Variants in ANK1 observed in about 807,000 individuals in gnomAD.
The protein encoded by ANK1 is ankyrin-1.
A neutral mutation model predicts 210.4 loss-of-function variants in ANK1; 51 were observed. The observed-to-expected ratio is 0.24, with a 90% CI of 0.19 to 0.31. The LOEUF is 0.31. ANK1 is among the 10% of genes least tolerant of loss of function. The probability of loss-of-function intolerance (pLI) is 1.00; values close to 1 mark genes in which losing one functional copy is unlikely to be tolerated. For missense variants in ANK1, 2,051 were observed against 2,504.4 expected (o/e 0.82, Z 3.86); for synonymous variants, 967 against 1,025.9 (o/e 0.94, Z 1.10).
Position 41,837,988 on chromosome 8 carries a change from T to G in ANK1, c.126+58367A>C, listed in dbSNP as rs566778365. On this transcript the variant is annotated intron_variant, in intron 1 of 42. Transcript: ENST00000265709. ...ACCTGAGTTTTAGAGGAGGGGTAACTGGACCTCAGACATCACCTCCTCCAC... is the reference window on the plus strand; with the variant it reads ...ACCTGAGTTTTAGAGGAGGGGTAACGGGACCTCAGACATCACCTCCTCCAC... 7.9e-5 allele frequency among the ~76,000 whole-genome samples: 12 copies of G among 152,310 alleles called. No individual in the cohort carries two copies. In the South Asian group the frequency reaches 2.5e-3, roughly 32 times the overall value.
Position 41,734,015 on chromosome 8 carries a change from C to T in ANK1, c.184G>A (p.Val62Ile), listed in dbSNP as rs1221815487. The T allele has an allele frequency of 6.2e-7, 1 of 1,614,234 alleles. No individual in the cohort carries two copies. The highest frequency in any genetic ancestry group is 8.5e-7 in the Non-Finnish European group (1 of 1,180,038). The change falls in exon 3 of 43, where the codon GTT becomes ATT. Residue 62 changes from valine to isoleucine, a missense_variant. Transcript: ENST00000289734. ...ATGATTTCTTTGTGCAGAAGTTCAA[C>T]CACCATTTTCACATGGCCTTCCTTA... ...ASKEGHVKMVVELLHKEIILE... is the reference protein window; with the variant it reads ...ASKEGHVKMVIELLHKEIILE...
intron 1 of ANK1, among the ~76,000 whole-genome samples, chr8:41,865,521 T>C (rs1438166950): frequency 6.6e-6 from 1 of 152,040 alleles, no homozygotes; most frequent in Non-Finnish European, 1.5e-5. Flanking sequence ...CCAGCCCTCC[T>C]CCAAATTCAC....
chr8:41,769,032 C>T (rs144793994), intron 1 of ANK1, among the ~76,000 whole-genome samples: 17 of 151,316 alleles, frequency 1.1e-4, no homozygotes, highest in African/African-American at 1.7e-4. Context: ...AAGCCAGGTA[C>T]GCTTCAAAGC....
intron 1 of ANK1, among the ~76,000 whole-genome samples, chr8:41,784,386 A>G (rs967583862): frequency 1.3e-5 from 2 of 152,260 alleles, no homozygotes; most frequent in Non-Finnish European, 2.9e-5. Context: ...CTTTTGGGAT[A>G]GAATTAATCA....
At chr8:41,874,191 C>T (rs1036709649) in intron 1 of ANK1, among the ~76,000 whole-genome samples, 3 of 152,190 alleles carry the variant, frequency 2.0e-5, no homozygotes, top group African/African-American at 7.2e-5. Context: ...AGGGATGGAC[C>T]AGGTATGGTG....
rs1587234011 is a variant in ANK1 at position 41,824,714 on chromosome 8, C to T, written c.127-66577G>A. Among the ~76,000 whole-genome samples the T allele has an allele frequency of 2.0e-5, 3 of 152,286 alleles. No homozygotes were observed. The South Asian group carries it at 6.2e-4, about 32-fold the overall frequency. ...CTCTGCCCTGACCCCGCCTTCGCCA[C>T]TCTTATTTTCTAGACAGCAGAGTTC... On this transcript the variant is annotated intron_variant, in intron 1 of 42. Coordinates refer to the ANK1 transcript ENST00000265709.
intron 40 of ANK1, among the ~76,000 whole-genome samples, chr8:41,662,183 G>T (rs1165977212): frequency 1.8e-4 from 28 of 152,090 alleles, no homozygotes; most frequent in Admixed American, 1.8e-3. Context: ...CTTGAACCTG[G>T]TGGATGGAGG....
At chr8:41,675,153 C>T (rs1359843884) in intron 37 of ANK1, among the ~76,000 whole-genome samples, 1 of 152,226 alleles carries the variant, frequency 6.6e-6, no homozygotes, top group Non-Finnish European at 1.5e-5. Flanking sequence ...TGCAGTAATG[C>T]AATCTCAGTT....
At chr8:41,823,690 G>C (rs532782698) in intron 1 of ANK1, among the ~76,000 whole-genome samples, 5 of 152,084 alleles carry the variant, frequency 3.3e-5, no homozygotes, top group Admixed American at 6.5e-5. Context: ...CTTGAGTCTG[G>C]GAGTTCAAGG....
chr8:41,725,406 C>T (rs890319382), intron 6 of ANK1, among the ~76,000 whole-genome samples: 12 of 152,238 alleles, frequency 7.9e-5, no homozygotes, highest in African/African-American at 2.7e-4. Flanking sequence ...AGCCCCTGCA[C>T]GCCTCCTCCC....
chr8:41,803,115 AAAGGAAAGG>A (rs1193703474), intron 1 of ANK1, among the ~76,000 whole-genome samples: 2 of 147,708 alleles, frequency 1.4e-5, no homozygotes, highest in Non-Finnish European at 3.0e-5. Flanking sequence ...AAAGGAAAGG[AAAGGAAAGG>A]AAAGGAAAGG....
At chr8:41,675,772 C>A (rs1169654073) in intron 37 of ANK1, among the ~76,000 whole-genome samples, 2 of 152,172 alleles carry the variant, frequency 1.3e-5, no homozygotes, top group Admixed American at 6.5e-5. Context: ...CTCTGCCAAC[C>A]CCAAACCATT....
intron 1 of ANK1, among the ~76,000 whole-genome samples, chr8:41,881,352 C>G (rs1303843782): frequency 6.6e-6 from 1 of 152,230 alleles, no homozygotes; most frequent in African/African-American, 2.4e-5. Context: ...TTCTAAGGCA[C>G]TGCCCATACC....
rs1465012341 is a variant in ANK1 at position 41,749,249 on chromosome 8, A to G, written c.129+8787T>C. Among the ~76,000 whole-genome samples the G allele has an allele frequency of 2.6e-5, 4 of 151,652 alleles. No individual in the cohort carries two copies. The East Asian group carries it at 7.7e-4, about 29-fold the overall frequency. On this transcript the variant is annotated intron_variant, in intron 2 of 42. Transcript: ENST00000289734. ...GCATGGATCATTGTAACTGGTCAAT[A>G]AATGTTTGCAGAATAAATGAATGAG...
chr8:41,707,752 G>A (rs769082525), intron 17 of ANK1, among the ~76,000 whole-genome samples: 39 of 152,304 alleles, frequency 2.6e-4, no homozygotes, highest in Admixed American at 4.6e-4. Context: ...CTACCAGAAT[G>A]GTTCGCTCAT....
In ANK1 at chr8:41,813,673, T is replaced by C. The variant is rs540555578; in HGVS notation, c.127-55536A>G. ...AGAACTTTTAATAGGGAATCTCAGATTGGACTTTTAAAATCCTATTAAGGT... is the reference window on the plus strand; with the variant it reads ...AGAACTTTTAATAGGGAATCTCAGACTGGACTTTTAAAATCCTATTAAGGT... On this transcript the variant is annotated intron_variant, in intron 1 of 42. Transcript: ENST00000265709. Among the ~76,000 whole-genome samples, 4 of 152,326 alleles carry C rather than the reference T, an allele frequency of 2.6e-5. No homozygotes were observed. The South Asian group carries it at 8.3e-4, about 32-fold the overall frequency.
intron 1 of ANK1, among the ~76,000 whole-genome samples, chr8:41,824,887 T>G (rs910346919): frequency 1.3e-5 from 2 of 152,218 alleles, no homozygotes; most frequent in African/African-American, 4.8e-5. Flanking sequence ...TGGGGCTGGC[T>G]GGCTGTAGGG....
chr8:41,779,136 G>A (rs1219011953), intron 1 of ANK1, among the ~76,000 whole-genome samples: 1 of 152,150 alleles, frequency 6.6e-6, no homozygotes, highest in African/African-American at 2.4e-5. Flanking sequence ...CCCAGGCTGT[G>A]ACAGGTAAGC....
intron 1 of ANK1, among the ~76,000 whole-genome samples, chr8:41,773,191 G>A (rs1279710080): frequency 6.6e-6 from 1 of 151,940 alleles, no homozygotes; most frequent in African/African-American, 2.4e-5. Flanking sequence ...GGTGTCCTGG[G>A]CACCCGGCCT....
Sources: gnomAD v4.1 joint callset for allele counts (sites outside exome capture counted in the v4.1 genomes callset) on GRCh38, gnomAD v4.1.1 for gene constraint, MANE v1.5 for transcripts, NCBI Gene and HGNC (gene_info 2026-07-23, HGNC 2026-07-21) for gene names.